Variants in RASGRF2 observed in about 807,000 individuals in gnomAD.
RASGRF2 encodes ras-specific guanine nucleotide-releasing factor 2.
RASGRF2 carries 76 observed loss-of-function variants against 151.0 expected under a neutral mutation model. That is an observed-to-expected ratio of 0.50 (90% CI 0.42 to 0.61). RASGRF2 has a LOEUF of 0.61. RASGRF2 is among the 20% of genes least tolerant of loss of function. RASGRF2 has a pLI of 0.00. For synonymous variants in RASGRF2, 504 were observed against 566.5 expected (o/e 0.89, Z 1.57); for missense variants, 1,148 against 1,564.6 (o/e 0.73, Z 4.49).
At chr5:81,034,962 A>T (rs1318134965) in intron 1 of RASGRF2, among the ~76,000 whole-genome samples, 3 of 152,112 alleles carry the variant, frequency 2.0e-5, no homozygotes, top group Non-Finnish European at 2.9e-5. Context: ...ATAAAAAAAA[A>T]GTCAGGAAAC....
chr5:80,994,342 G>A (rs1748758670), intron 1 of RASGRF2, among the ~76,000 whole-genome samples: 1 of 146,614 alleles, frequency 6.8e-6, no homozygotes, highest in Admixed American at 6.9e-5. Flanking sequence ...CTCCAGCCTG[G>A]GCGACAGAGC....
chr5:81,026,750 CG>C (rs199519444), intron 1 of RASGRF2, among the ~76,000 whole-genome samples: 4 of 149,364 alleles, frequency 2.7e-5, no homozygotes, highest in South Asian at 2.1e-4. Context: ...TTTTTAAGGG[CG>C]AAAAAAAAAG....
chr5:81,128,040 C>T (rs921425332), intron 17 of RASGRF2, among the ~76,000 whole-genome samples: 5 of 151,386 alleles, frequency 3.3e-5, no homozygotes, highest in Middle Eastern at 3.4e-3. Flanking sequence ...AGGCACAGAA[C>T]GGCAGATACT....
At chr5:81,187,923 G>A (rs1280085237) in intron 18 of RASGRF2, among the ~76,000 whole-genome samples, 2 of 152,224 alleles carry the variant, frequency 1.3e-5, no homozygotes, top group Non-Finnish European at 2.9e-5. Flanking sequence ...ACTGAGTTCA[G>A]GTTTGTTCAT....
chr5:81,180,424 G>T, intron 18 of RASGRF2, 143 bp downstream of exon 18: 1 of 611,598 alleles, frequency 1.6e-6, no homozygotes, highest in Non-Finnish European at 3.0e-6. Context: ...GAAGAAATAG[G>T]CTAGGCATAC....
rs141653992 is a variant in RASGRF2, at chr5:81,160,473, C to T, written c.2687-19702C>T. Among the ~76,000 whole-genome samples, 373 of 151,292 alleles carry T rather than the reference C, an allele frequency of 2.5e-3. 2 individuals are homozygous for T. Among genetic ancestry groups the T allele is most frequent in the Non-Finnish European group, 4.0e-3 (269 of 67,864 alleles). On this transcript the variant is annotated intron_variant, in intron 17 of 26. Transcript: ENST00000265080. ...GATCACGAGGTCAGGAGATCAAGAC[C>T]ATCCTGGCTAATACAGTGAAACCCC...
intron 1 of RASGRF2, among the ~76,000 whole-genome samples, chr5:80,986,987 A>AAGCT (rs752953007): frequency 4.6e-5 from 7 of 152,006 alleles, no homozygotes; most frequent in Non-Finnish European, 7.4e-5. Flanking sequence ...ACACCATACA[A>AAGCT]AGCTAGTCAT....
chr5:81,113,497 C>G (rs779328557), intron 14 of RASGRF2, 41 bp from the exon 15 acceptor site: 3 of 1,532,516 alleles, frequency 2.0e-6, no homozygotes, highest in Middle Eastern at 1.7e-4. Context: ...ATTCATTTCA[C>G]TTGGCTACAA....
At chr5:81,075,420 T>C (rs1751909131) in intron 5 of RASGRF2, among the ~76,000 whole-genome samples, 1 of 152,148 alleles carries the variant, frequency 6.6e-6, no homozygotes, top group Admixed American at 6.5e-5. Context: ...GGGCTAGGTG[T>C]GGAAAGGTCA....
chr5:81,077,140 C>G (rs1005969300), intron 5 of RASGRF2, among the ~76,000 whole-genome samples: 4 of 152,004 alleles, frequency 2.6e-5, no homozygotes, highest in Admixed American at 2.0e-4. Context: ...TTAGGTCATG[C>G]TAGTGTGAAA....
At chr5:81,210,350 C>T (rs1414224740) in intron 22 of RASGRF2, among the ~76,000 whole-genome samples, 1 of 152,254 alleles carries the variant, frequency 6.6e-6, no homozygotes, top group African/African-American at 2.4e-5. Flanking sequence ...GTGTGGCCAG[C>T]TCTCACTTGC....
intron 1 of RASGRF2, among the ~76,000 whole-genome samples, chr5:81,038,001 AT>A (rs766619674): frequency 2.1e-4 from 32 of 152,154 alleles, no homozygotes; most frequent in Admixed American, 3.9e-4. Context: ...AGTCAGAAAC[AT>A]TTTTTGCTCA....
intron 18 of RASGRF2, 84 bp downstream of exon 18, chr5:81,180,365 C>CT: frequency 1.2e-6 from 1 of 834,286 alleles, no homozygotes; most frequent in South Asian, 1.4e-5. Context: ...AAACACCTCC[C>CT]TACTCTTTGG....
chr5:81,136,747 C>T (rs888927001), intron 17 of RASGRF2, among the ~76,000 whole-genome samples: 3 of 151,992 alleles, frequency 2.0e-5, no homozygotes, highest in African/African-American at 7.2e-5. Context: ...GTTTGTTATA[C>T]CCTTTGAAAT....
At chr5:81,116,236 T>C (rs1753153820) in intron 15 of RASGRF2, among the ~76,000 whole-genome samples, 1 of 151,774 alleles carries the variant, frequency 6.6e-6, no homozygotes, top group Non-Finnish European at 1.5e-5. Flanking sequence ...GCACGCACCA[T>C]CATGCCTTGC....
chr5:80,995,399 TACAC>T (rs745608211), intron 1 of RASGRF2, among the ~76,000 whole-genome samples: 72,226 of 119,232 alleles, frequency 0.61, 19,120 homozygotes, highest in Middle Eastern at 0.7. Context: ...TATATATATA[TACAC>T]ACACACACAC....
chr5:81,209,378 C>G (rs1755582119), intron 22 of RASGRF2, among the ~76,000 whole-genome samples: 1 of 152,136 alleles, frequency 6.6e-6, no homozygotes, highest in African/African-American at 2.4e-5. Flanking sequence ...CCTATCCAGG[C>G]AACGGGAAGC....
intron 2 of RASGRF2, 119 bp downstream of exon 2, chr5:81,043,102 T>C (rs1202577826): frequency 4.5e-6 from 3 of 660,054 alleles, no homozygotes; most frequent in African/African-American, 1.8e-5. Context: ...TCCTGGTACC[T>C]ATTCCTTAGT....
chr5:81,044,290 C>A (rs530731225), intron 2 of RASGRF2, among the ~76,000 whole-genome samples: 1 of 152,166 alleles, frequency 6.6e-6, no homozygotes, highest in South Asian at 2.1e-4. Context: ...TGGTGGCACA[C>A]GCCTGTAGTC....
Sources: gnomAD v4.1 joint callset for allele counts (sites outside exome capture counted in the v4.1 genomes callset) on GRCh38, gnomAD v4.1.1 for gene constraint, MANE v1.5 for transcripts, NCBI Gene and HGNC (gene_info 2026-07-23, HGNC 2026-07-21) for gene names.